Variants in AHCY observed in about 807,000 individuals in gnomAD.
AHCY encodes the protein S-adenosyl-L-homocysteine hydrolase.
In AHCY, 24 loss-of-function variants were observed where a neutral mutation model predicts 45.4. The ratio of observed to expected loss-of-function variants is 0.53; its 90% CI spans 0.38 to 0.74. The LOEUF (loss-of-function observed/expected upper bound fraction) is 0.74. AHCY is among the 30% of genes least tolerant of loss of function. AHCY has a pLI of 0.00. For missense variants in AHCY, 449 were observed against 594.1 expected (o/e 0.76, Z 2.54); for synonymous variants, 245 against 235.1 (o/e 1.04, Z -0.39).
downstream of AHCY, among the ~76,000 whole-genome samples, chr20:34,279,570 A>G (rs2035946531): frequency 1.3e-5 from 2 of 152,210 alleles, no homozygotes; most frequent in African/African-American, 4.8e-5. Flanking sequence ...TTGAAGTACC[A>G]AAGTCTGTAC....
intron 1 of AHCY, chr20:34,302,485 A>C: frequency 5.3e-6 from 3 of 563,150 alleles, no homozygotes; most frequent in Non-Finnish European, 6.7e-6. Context: ...AGGGCAAGTT[A>C]CCTCTGCCTC....
At chr20:34,232,197 T>C in the AHCY span, among the ~76,000 whole-genome samples, 1 of 152,200 alleles carries the variant, frequency 6.6e-6, no homozygotes, top group Non-Finnish European at 1.5e-5. Flanking sequence ...CCCAGGGAGA[T>C]ATTACTTCAC....
chr20:34,232,480 C>G, the AHCY span, among the ~76,000 whole-genome samples: 4 of 152,090 alleles, frequency 2.6e-5, no homozygotes, highest in African/African-American at 9.7e-5. Context: ...ACAGCATAGA[C>G]CACTGTCAAT....
chr20:34,246,754 G>A, the AHCY span, among the ~76,000 whole-genome samples: 1 of 151,992 alleles, frequency 6.6e-6, no homozygotes, highest in Non-Finnish European at 1.5e-5. Context: ...CCCTGTGCCG[G>A]GCCTTCATCT....
chr20:34,298,328 T>G (rs60735957), intron 1 of AHCY, among the ~76,000 whole-genome samples: 15,874 of 152,078 alleles, frequency 0.1, 2,807 homozygotes, highest in African/African-American at 0.36. Flanking sequence ...AATTACTTTT[T>G]ATTCCAATAT....
At chr20:34,286,117 A>C (rs2036176589) in intron 8 of AHCY, 1 of 214,024 alleles carries the variant, frequency 4.7e-6, no homozygotes. Context: ...AAAACAAAAA[A>C]CAAAAAAACA....
rs755222515 is a variant in AHCY, at chr20:34,294,110, G to A, written c.266C>T (p.Ala89Val). ...AATGCCAGCCTTGGCAATGGCAGCC[G>A]CCGCATGGTCCTGGGTGGAGAAGAT... ...CNIFSTQDHA[A>V]AAIAKAGIPV... The change falls in exon 3 of 10, where the codon GCG becomes GTG. Residue 89 changes from alanine to valine, a missense_variant. Ala to Val is a moderately conservative substitution (Grantham distance 64, BLOSUM62 0). Coordinates refer to ENST00000217426, the MANE Select transcript of AHCY (RefSeq NM_000687.4). 1.7e-5 allele frequency: 27 copies of A among 1,613,938 alleles called. No homozygotes were observed. The highest frequency in any genetic ancestry group is 2.1e-5 in the Non-Finnish European group (25 of 1,180,052).
the AHCY span, among the ~76,000 whole-genome samples, chr20:34,254,415 T>C: frequency 6.6e-6 from 1 of 152,316 alleles, no homozygotes; most frequent in African/African-American, 2.4e-5. Context: ...TAATGAGTAA[T>C]AACAGCAACA....
At chr20:34,299,481 C>A (rs1009248741) in intron 1 of AHCY, among the ~76,000 whole-genome samples, 3 of 152,222 alleles carry the variant, frequency 2.0e-5, no homozygotes, top group African/African-American at 7.2e-5. Context: ...GCCCTCAGGG[C>A]TCCATCATCT....
At chr20:34,253,447 T>TTTA in the AHCY span, among the ~76,000 whole-genome samples, 5,819 of 103,700 alleles carry the variant, frequency 0.056, 431 homozygotes, top group African/African-American at 0.36. Context: ...TTTTATTTTA[T>TTTA]TTTATTTATT....
At chr20:34,303,063 G>T (rs902321518) in intron 1 of AHCY, 180 bp downstream of exon 1, 2 of 985,274 alleles carry the variant, frequency 2.0e-6, no homozygotes, top group Non-Finnish European at 2.4e-6. Context: ...CACCCGGAAC[G>T]GCCCGCTCAT....
At chr20:34,299,149 C>T (rs1308128765) in intron 1 of AHCY, among the ~76,000 whole-genome samples, 1 of 152,086 alleles carries the variant, frequency 6.6e-6, no homozygotes, top group Non-Finnish European at 1.5e-5. Context: ...ACTCTCTCGT[C>T]GCCGCACACA....
intron 9 of AHCY, among the ~76,000 whole-genome samples, chr20:34,282,319 G>A (rs1280324882): frequency 2.6e-5 from 4 of 152,210 alleles, no homozygotes; most frequent in African/African-American, 2.4e-5. Flanking sequence ...TGTCAACAGC[G>A]ATGTGAAGAG....
chr20:34,309,399 T>A (rs1248118570), intron 1 of AHCY, among the ~76,000 whole-genome samples: 1 of 152,204 alleles, frequency 6.6e-6, no homozygotes, highest in African/African-American at 2.4e-5. Context: ...CCAGGAGTTT[T>A]GGTGCGCCCT....
the AHCY span, among the ~76,000 whole-genome samples, chr20:34,271,475 T>G: frequency 1.3e-5 from 2 of 151,930 alleles, no homozygotes; most frequent in African/African-American, 2.4e-5. Context: ...CCTACCTTTG[T>G]GGCCACTGAT....
At chr20:34,256,912 C>G in the AHCY span, among the ~76,000 whole-genome samples, 5 of 152,174 alleles carry the variant, frequency 3.3e-5, no homozygotes, top group Middle Eastern at 3.4e-3. Flanking sequence ...ACCCGAGTAG[C>G]TGGGAACACA....
the AHCY span, among the ~76,000 whole-genome samples, chr20:34,235,607 AG>A: frequency 6.6e-6 from 1 of 151,786 alleles, no homozygotes; most frequent in Non-Finnish European, 1.5e-5. Flanking sequence ...CAAAACAAAA[AG>A]TTTGTTTGTG....
At chr20:34,281,449 G>A (rs780073945) in intron 9 of AHCY, among the ~76,000 whole-genome samples, 2 of 152,146 alleles carry the variant, frequency 1.3e-5, no homozygotes, top group African/African-American at 2.4e-5. Context: ...TAACCAAAAT[G>A]CTTCTCTGGA....
At chr20:34,281,311 G>T in intron 9 of AHCY, 146 bp from the exon 10 acceptor site, 3 of 1,312,620 alleles carry the variant, frequency 2.3e-6, no homozygotes, top group Non-Finnish European at 3.2e-6. Flanking sequence ...CTCACACCCA[G>T]CCTCAGTTAA....
Sources: allele counts gnomAD v4.1 joint callset (sites outside exome capture counted in the v4.1 genomes callset), GRCh38; gene constraint gnomAD v4.1.1; transcripts MANE v1.5; gene names NCBI Gene and HGNC (gene_info 2026-07-23, HGNC 2026-07-21).